DPP10: variants seen among roughly 807,000 people sequenced by gnomAD.
DPP10 encodes dipeptidyl peptidase like 10.
A neutral mutation model predicts 120.9 loss-of-function variants in DPP10; 33 were observed. The observed-to-expected ratio is 0.27, with a 90% confidence interval of 0.21 to 0.37. The LOEUF (loss-of-function observed/expected upper bound fraction) is 0.37, where lower values mean the gene tolerates loss of function less well. Among genes scored for constraint, DPP10 ranks in the 10% least tolerant of loss-of-function variants. DPP10 has a pLI of 1.00. For synonymous variants in DPP10, 337 were observed against 326.1 expected (o/e 1.03, Z -0.36); for missense variants, 816 against 942.8 (o/e 0.87, Z 1.76).
intron 1 of DPP10, among the ~76,000 whole-genome samples, chr2:115,143,148 G>C (rs1285231466): frequency 6.6e-6 from 1 of 152,182 alleles, no homozygotes; most frequent in Non-Finnish European, 1.5e-5. Context: ...CTGGTTCTAG[G>C]AGGGACAGTA....
intron 1 of DPP10, among the ~76,000 whole-genome samples, chr2:114,691,247 C>G (rs1699725827): frequency 6.6e-6 from 1 of 152,016 alleles, no homozygotes; most frequent in South Asian, 2.1e-4. Flanking sequence ...CCTTCAATAC[C>G]TAGTTTACTG....
intron 1 of DPP10, among the ~76,000 whole-genome samples, chr2:114,472,595 C>A (rs374716492): frequency 7.4e-4 from 112 of 152,212 alleles, no homozygotes; most frequent in African/African-American, 2.3e-3. Flanking sequence ...GCGTCTCAGC[C>A]TAATATTTGT....
intron 1 of DPP10, among the ~76,000 whole-genome samples, chr2:114,629,592 C>T (rs1325133865): frequency 2.6e-5 from 4 of 152,072 alleles, no homozygotes; most frequent in African/African-American, 4.8e-5. Context: ...TAGCACTGTG[C>T]ATTAAATCTC....
At chr2:115,450,117 A>G (rs762956011) in intron 3 of DPP10, among the ~76,000 whole-genome samples, 18 of 151,952 alleles carry the variant, frequency 1.2e-4, no homozygotes, top group African/African-American at 4.1e-4. Flanking sequence ...TGAGAATATC[A>G]TAAGTCAAAA....
At chr2:114,797,782 A>C (rs188196260) in intron 1 of DPP10, among the ~76,000 whole-genome samples, 14 of 152,318 alleles carry the variant, frequency 9.2e-5, no homozygotes, top group Admixed American at 8.5e-4. Context: ...AGTACCCAGG[A>C]GATGCGATAT....
chr2:115,203,623 A>C (rs535969308), intron 1 of DPP10, among the ~76,000 whole-genome samples: 67 of 152,142 alleles, frequency 4.4e-4, no homozygotes, highest in African/African-American at 1.6e-3. Flanking sequence ...AAAATTAAAA[A>C]GATCCACACA....
At chr2:115,012,796 C>A (rs887977892) in intron 1 of DPP10, among the ~76,000 whole-genome samples, 1 of 152,076 alleles carries the variant, frequency 6.6e-6, no homozygotes, top group Non-Finnish European at 1.5e-5. Context: ...TGCCAGCTCA[C>A]CAGCAATAGA....
intron 12 of DPP10, among the ~76,000 whole-genome samples, chr2:115,765,752 G>A (rs1424561908): frequency 6.6e-6 from 1 of 152,080 alleles, no homozygotes; most frequent in Non-Finnish European, 1.5e-5. Context: ...GGAACAAATA[G>A]AATTATTGAC....
intron 2 of DPP10, among the ~76,000 whole-genome samples, chr2:115,343,432 CTG>C (rs1414906228): frequency 1.3e-5 from 2 of 152,026 alleles, no homozygotes; most frequent in African/African-American, 4.8e-5. Flanking sequence ...AACAACAAAA[CTG>C]TACATTTCCA....
intron 1 of DPP10, among the ~76,000 whole-genome samples, chr2:115,043,667 C>A (rs1203508622): frequency 6.6e-6 from 1 of 152,132 alleles, no homozygotes; most frequent in African/African-American, 2.4e-5. Flanking sequence ...TCAGTACTCA[C>A]TAGCAAGTCA....
At chr2:114,569,434 T>C (rs903769308) in intron 1 of DPP10, among the ~76,000 whole-genome samples, 2 of 149,566 alleles carry the variant, frequency 1.3e-5, no homozygotes, top group African/African-American at 2.5e-5. Context: ...AGAGACGCTC[T>C]GAACAAGCAA....
At chr2:115,161,823 T>G in intron 1 of DPP10, 117 of 310,192 alleles carry the variant, frequency 3.8e-4, no homozygotes, top group Middle Eastern at 1.3e-3. Context: ...TCCCCGCCCC[T>G]CCGCTCCCCC....
intron 5 of DPP10, among the ~76,000 whole-genome samples, chr2:115,537,836 A>G (rs1558817252): frequency 6.6e-6 from 1 of 151,974 alleles, no homozygotes; most frequent in Non-Finnish European, 1.5e-5. Flanking sequence ...GGCTGCAGTC[A>G]TCTGAAGGCC....
chr2:114,626,505 G>GTC (rs1242169523), intron 1 of DPP10, among the ~76,000 whole-genome samples: 2 of 151,966 alleles, frequency 1.3e-5, no homozygotes, highest in Non-Finnish European at 2.9e-5. Context: ...AAAAATGTTG[G>GTC]TTGAGCTGCC....
chr2:115,817,596 AT>A (rs1397654769), intron 21 of DPP10, among the ~76,000 whole-genome samples: 1 of 152,180 alleles, frequency 6.6e-6, no homozygotes, highest in Non-Finnish European at 1.5e-5. Flanking sequence ...AAGTAAAAAT[AT>A]TTTGTGAGCA....
intron 1 of DPP10, among the ~76,000 whole-genome samples, chr2:114,786,887 A>G (rs1682813021): frequency 6.6e-6 from 1 of 152,200 alleles, no homozygotes; most frequent in African/African-American, 2.4e-5. Context: ...GCCCTCAACC[A>G]TTCTAATCAC....
At chr2:115,324,646 C>T (rs950872746) in intron 2 of DPP10, among the ~76,000 whole-genome samples, 1 of 152,094 alleles carries the variant, frequency 6.6e-6, no homozygotes, top group Non-Finnish European at 1.5e-5. Context: ...TTCTTTATAT[C>T]AACAATAAGC....
At chr2:115,748,632 G>C (rs1678318749) in intron 10 of DPP10, among the ~76,000 whole-genome samples, 1 of 151,890 alleles carries the variant, frequency 6.6e-6, no homozygotes, top group Non-Finnish European at 1.5e-5. Flanking sequence ...TGGTCTGTCT[G>C]ATTGCTTATT....
At chr2:115,385,809 C>G (rs1345924724) in intron 3 of DPP10, among the ~76,000 whole-genome samples, 2 of 152,190 alleles carry the variant, frequency 1.3e-5, no homozygotes, top group Admixed American at 1.3e-4. Context: ...TCTTCCTAAT[C>G]TGTCTTTTGC....
Sources: allele counts gnomAD v4.1 joint callset (sites outside exome capture counted in the v4.1 genomes callset), GRCh38; gene constraint gnomAD v4.1.1; transcripts MANE v1.5; gene names NCBI Gene and HGNC (gene_info 2026-07-23, HGNC 2026-07-21).